Variants in STRADB observed in about 807,000 individuals in gnomAD.
STRADB encodes STE20-related kinase adapter protein beta.
A neutral mutation model predicts 52.1 loss-of-function variants in STRADB; 34 were observed. The ratio of observed to expected loss-of-function variants is 0.65; its 90% CI spans 0.50 to 0.87. The LOEUF is 0.87. Among genes scored for constraint, STRADB ranks in the 40% least tolerant of loss-of-function variants. The pLI is 0.00. For missense variants in STRADB, 340 were observed against 483.9 expected, an observed-to-expected ratio of 0.70 and a Z score of 2.79; for synonymous variants, 133 against 174.5, an observed-to-expected ratio of 0.76 and a Z score of 1.87.
chr2:201,453,334 A>C lies in STRADB; in HGVS notation c.-96+1396A>C, dbSNP rs527970388. On this transcript the variant is annotated intron_variant, in intron 1 of 11. Coordinates refer to ENST00000194530, the MANE Select transcript of STRADB (RefSeq NM_018571.6). The stretch of plus-strand genomic sequence containing the variant: ...GGATACAAAATCATGATAACCAGAA[A>C]ATTTGGTTAATCATGACATCCATAA... Among the ~76,000 whole-genome samples, 10 of 152,256 alleles carry C rather than the reference A, an allele frequency of 6.6e-5. No homozygotes were observed. The East Asian group carries it at 1.9e-3, about 29-fold the overall frequency.
At position 201,475,646 on chromosome 2, in the gene STRADB, A is replaced by G. The variant is rs745424750; in HGVS notation, c.452A>G (p.Tyr151Cys). The G allele has an allele frequency of 6.2e-6, 10 of 1,611,926 alleles. No individual in the cohort carries two copies. The highest frequency in any genetic ancestry group is 4.5e-5 in the East Asian group (2 of 44,850). The change falls in exon 7 of 12, where the codon TAT becomes TGT. Residue 151 changes from tyrosine to cysteine, a missense_variant. By Grantham distance (194) the Tyr-to-Cys change is radical (BLOSUM62 -2). Coordinates refer to ENST00000194530, the MANE Select transcript of STRADB (RefSeq NM_018571.6). ...YGSASQLLRT[Y>C]FPEGMSETLI... is the part of the protein sequence containing the mutation. ...TCAGCAAGTCAACTCTTGAGGACCTATTTTCCTGAAGGAATGAGTGAAACT... is the reference window on the plus strand; with the variant it reads ...TCAGCAAGTCAACTCTTGAGGACCTGTTTTCCTGAAGGAATGAGTGAAACT...
intron 3 of STRADB, among the ~76,000 whole-genome samples, chr2:201,469,673 G>A (rs541748402): frequency 5.9e-5 from 9 of 152,082 alleles, no homozygotes; most frequent in Non-Finnish European, 1.2e-4. Flanking sequence ...AACATTCTTC[G>A]CAACTCCTAA....
At chr2:201,463,132 T>C (rs1028092765) in intron 3 of STRADB, among the ~76,000 whole-genome samples, 4 of 152,146 alleles carry the variant, frequency 2.6e-5, no homozygotes, top group African/African-American at 9.7e-5. Flanking sequence ...GGTCAGGAGA[T>C]TGAGACCATC....
chr2:201,473,202 C>A, intron 5 of STRADB, 126 bp downstream of exon 5: 2 of 818,498 alleles, frequency 2.4e-6, no homozygotes, highest in Non-Finnish European at 3.4e-6. Context: ...AAAAATAGTA[C>A]AAATAAAACA....
chr2:201,473,976 C>T (rs545486939), intron 5 of STRADB, among the ~76,000 whole-genome samples: 22 of 151,264 alleles, frequency 1.5e-4, no homozygotes, highest in African/African-American at 4.9e-4. Context: ...CTGCAAGCTC[C>T]GCCTCCCGGG....
intron 3 of STRADB, among the ~76,000 whole-genome samples, chr2:201,463,629 T>G (rs781201645): frequency 1.3e-5 from 2 of 152,166 alleles, no homozygotes; most frequent in Non-Finnish European, 2.9e-5. Flanking sequence ...ATTGATATCT[T>G]TCTCTAGGCT....
intron 3 of STRADB, among the ~76,000 whole-genome samples, chr2:201,466,410 C>T (rs1057088452): frequency 1.3e-5 from 2 of 152,144 alleles, no homozygotes; most frequent in East Asian, 3.9e-4. Flanking sequence ...TCTGAAGTCT[C>T]TCATGGAAAA....
chr2:201,479,243 A>G (rs1952531832), intron 10 of STRADB: 1 of 415,766 alleles, frequency 2.4e-6, no homozygotes, highest in East Asian at 4.7e-5. Context: ...CTGCTACCCT[A>G]CTAAGTTACT....
intron 3 of STRADB, among the ~76,000 whole-genome samples, chr2:201,467,419 A>G (rs1952321178): frequency 6.6e-6 from 1 of 152,070 alleles, no homozygotes; most frequent in Non-Finnish European, 1.5e-5. Context: ...TGGTCGTCCA[A>G]CCTCCAAATA....
intron 2 of STRADB, among the ~76,000 whole-genome samples, chr2:201,458,348 T>C (rs1271777985): frequency 6.6e-6 from 1 of 152,246 alleles, no homozygotes; most frequent in Non-Finnish European, 1.5e-5. Flanking sequence ...AATATGTGGC[T>C]TAATGTGAAT....
intron 9 of STRADB, 58 bp downstream of exon 9, chr2:201,478,249 G>A: frequency 6.3e-7 from 1 of 1,590,258 alleles, no homozygotes; most frequent in Non-Finnish European, 8.6e-7. Context: ...TTACATTCTA[G>A]ATAATTTCTG....
At chr2:201,457,715 G>C (rs917124865) in intron 2 of STRADB, among the ~76,000 whole-genome samples, 7 of 152,090 alleles carry the variant, frequency 4.6e-5, no homozygotes, top group African/African-American at 1.7e-4. Context: ...ATAAAAATAA[G>C]ATGCTTGAAA....
At chr2:201,475,553 T>C in intron 6 of STRADB, 66 bp from the exon 7 acceptor site, 1 of 1,602,566 alleles carries the variant, frequency 6.2e-7, no homozygotes, top group Non-Finnish European at 8.5e-7. Context: ...GAAAAGAACA[T>C]TAAAATACAG....
chr2:201,451,761 A>G lies in STRADB; in HGVS notation c.-273A>G, dbSNP rs2953278. On this transcript the variant is annotated 5_prime_UTR_variant, in exon 1 of 12. Transcript: ENST00000194530. ...ATGCGTTCCCAGCGGGTAGCCTGGGACTGGTGCAGAGTTCCAAGCCCACGG... is the reference window on the plus strand; with the variant it reads ...ATGCGTTCCCAGCGGGTAGCCTGGGGCTGGTGCAGAGTTCCAAGCCCACGG... 0.95 allele frequency: 145,017 copies of G among 151,994 alleles called. 69,292 individuals are homozygous for G. Among genetic ancestry groups the G allele is most frequent in the East Asian group, 0.99 (5,015 of 5,052 alleles). 9.4% of individuals were successfully genotyped at this position (151,994 alleles called of 1,614,324 possible).
chr2:201,452,510 ACACGGCGCCTGCTTAG>A (rs1952062271), intron 1 of STRADB, among the ~76,000 whole-genome samples: 1 of 152,220 alleles, frequency 6.6e-6, no homozygotes. Flanking sequence ...CGGATGTGTA[ACACGGCGCCTGCTTAG>A]CACGGTGCCT....
chr2:201,458,732 TG>T (rs894246303), intron 2 of STRADB, 51 bp from the exon 3 acceptor site: 26 of 1,550,440 alleles, frequency 1.7e-5, no homozygotes, highest in Non-Finnish European at 2.2e-5. Flanking sequence ...ATACCACCCC[TG>T]CTTATCCTGT....
intron 10 of STRADB, 178 bp from the exon 11 acceptor site, chr2:201,479,311 A>G: frequency 1.7e-6 from 1 of 588,734 alleles, no homozygotes; most frequent in South Asian, 2.2e-5. Context: ...GGATACCTCT[A>G]CAATTATTTC....
chr2:201,467,706 G>A (rs540394977), intron 3 of STRADB, among the ~76,000 whole-genome samples: 1 of 152,222 alleles, frequency 6.6e-6, no homozygotes, highest in African/African-American at 2.4e-5. Context: ...CAATTTGGTT[G>A]GCCTTCTCTA....
At chr2:201,465,411 T>C (rs1190620462) in intron 3 of STRADB, among the ~76,000 whole-genome samples, 2 of 152,054 alleles carry the variant, frequency 1.3e-5, no homozygotes, top group African/African-American at 4.8e-5. Flanking sequence ...GGGCTTGGAA[T>C]GGGGGCCTCA....
Sources: gnomAD v4.1 joint callset for allele counts (sites outside exome capture counted in the v4.1 genomes callset) on GRCh38, gnomAD v4.1.1 for gene constraint, MANE v1.5 for transcripts, NCBI Gene and HGNC (gene_info 2026-07-23, HGNC 2026-07-21) for gene names.